KCNIP4: variants seen among roughly 807,000 people sequenced by gnomAD.
KCNIP4 encodes Kv channel-interacting protein 4.
KCNIP4 carries 12 observed loss-of-function variants against 34.0 expected under a neutral mutation model. That is an observed-to-expected ratio of 0.35 (90% CI 0.23 to 0.57). The LOEUF (loss-of-function observed/expected upper bound fraction) is 0.57. Among genes scored for constraint, KCNIP4 ranks in the 20% least tolerant of loss-of-function variants. The pLI, the probability that KCNIP4 is intolerant of heterozygous loss-of-function variation, is 0.83. For synonymous variants in KCNIP4, 124 were observed against 102.2 expected (o/e 1.21, Z -1.29); for missense variants, 238 against 311.7 (o/e 0.76, Z 1.78).
intron 1 of KCNIP4, among the ~76,000 whole-genome samples, chr4:21,282,900 T>C (rs989283605): frequency 3.3e-5 from 5 of 152,168 alleles, no homozygotes; most frequent in Admixed American, 2.6e-4. Flanking sequence ...ACCCAAATAC[T>C]TGCACACAAA....
chr4:21,892,126 A>C (rs1034145426), intron 1 of KCNIP4, among the ~76,000 whole-genome samples: 9 of 152,132 alleles, frequency 5.9e-5, no homozygotes, highest in Non-Finnish European at 8.8e-5. Context: ...ATAGCTAAAA[A>C]ACTGAAACTG....
At position 21,058,598 on chromosome 4, in the gene KCNIP4, G is replaced by A. The variant is rs6826348; in HGVS notation, c.62-175889C>T. Among the ~76,000 whole-genome samples the A allele has an allele frequency of 4.9e-3, 739 of 152,272 alleles. 4 individuals are homozygous for A. Among genetic ancestry groups the A allele is most frequent in the African/African-American group, 0.016 (671 of 41,556 alleles). ...TATTAAATGATATAATGCAGAGGAA[G>A]AGGACTGAGTCAATGTCTGGCATTT... is the stretch of plus-strand genomic sequence containing the variant. On this transcript the variant is annotated intron_variant, in intron 1 of 8. Coordinates refer to ENST00000382152, the MANE Select transcript of KCNIP4 (RefSeq NM_025221.6).
intron 1 of KCNIP4, among the ~76,000 whole-genome samples, chr4:21,121,233 C>T (rs1750131383): frequency 1.3e-5 from 2 of 152,188 alleles, no homozygotes; most frequent in Non-Finnish European, 1.5e-5. Flanking sequence ...CCACTGCTGT[C>T]CGGCCCCCTT....
intron 1 of KCNIP4, among the ~76,000 whole-genome samples, chr4:21,429,725 C>T (rs1276544972): frequency 6.6e-6 from 1 of 152,090 alleles, no homozygotes; most frequent in Non-Finnish European, 1.5e-5. Flanking sequence ...TTCTGAATAA[C>T]TTTTTTATTC....
chr4:21,364,677 G>A lies in KCNIP4; in HGVS notation c.62-481968C>T, dbSNP rs191508656. Among the ~76,000 whole-genome samples, 654 of 151,872 alleles carry A rather than the reference G, an allele frequency of 4.3e-3. 5 individuals carry two copies. The highest frequency in any genetic ancestry group is 7.5e-3 in the South Asian group (36 of 4,798). On this transcript the variant is annotated intron_variant, in intron 1 of 8. Coordinates refer to ENST00000382152, the MANE Select transcript of KCNIP4 (RefSeq NM_025221.6). ...AATGCACCTATATTATGGAACAGTA[G>A]ATATCAGAAAAAGCTAAAGGAAATT... is the stretch of plus-strand genomic sequence containing the variant.
intron 1 of KCNIP4, among the ~76,000 whole-genome samples, chr4:21,697,054 C>G (rs1044647293): frequency 6.6e-6 from 1 of 151,698 alleles, no homozygotes; most frequent in African/African-American, 2.4e-5. Context: ...CTTGCACAAT[C>G]ATGTATTTAA....
chr4:20,828,545 T>C (rs1334648996), intron 3 of KCNIP4, among the ~76,000 whole-genome samples: 3 of 152,224 alleles, frequency 2.0e-5, no homozygotes, highest in African/African-American at 4.8e-5. Context: ...GATACTCAGA[T>C]ACAATAGTGA....
intron 1 of KCNIP4, among the ~76,000 whole-genome samples, chr4:21,195,137 G>T (rs1176184811): frequency 6.6e-6 from 1 of 152,052 alleles, no homozygotes; most frequent in African/African-American, 2.4e-5. Context: ...CTTCATTGCC[G>T]CAAATGTTCT....
intron 1 of KCNIP4, among the ~76,000 whole-genome samples, chr4:21,728,956 GC>G (rs1181389745): frequency 6.6e-6 from 1 of 152,032 alleles, no homozygotes; most frequent in Non-Finnish European, 1.5e-5. Flanking sequence ...CCAATATGAT[GC>G]CACATATATA....
chr4:21,392,796 G>A (rs548066854), intron 1 of KCNIP4, among the ~76,000 whole-genome samples: 2 of 152,236 alleles, frequency 1.3e-5, no homozygotes, highest in African/African-American at 4.8e-5. Flanking sequence ...GAGATGGATG[G>A]CTTTAAATGA....
intron 1 of KCNIP4, among the ~76,000 whole-genome samples, chr4:21,223,261 A>C (rs1758113182): frequency 6.6e-6 from 1 of 152,208 alleles, no homozygotes; most frequent in Non-Finnish European, 1.5e-5. Flanking sequence ...CTTTGAAGAT[A>C]GAGGATAAGG....
chr4:21,733,597 AT>A (rs1347478798), intron 1 of KCNIP4, among the ~76,000 whole-genome samples: 1 of 152,118 alleles, frequency 6.6e-6, no homozygotes, highest in Non-Finnish European at 1.5e-5. Flanking sequence ...CAAGTCAATA[AT>A]TTTCTCTTTT....
At chr4:21,262,115 C>T (rs1000032027) in intron 1 of KCNIP4, among the ~76,000 whole-genome samples, 47 of 152,158 alleles carry the variant, frequency 3.1e-4, no homozygotes, top group Non-Finnish European at 2.9e-5. Flanking sequence ...TCTTTCCTAT[C>T]GCAATGACTT....
intron 1 of KCNIP4, among the ~76,000 whole-genome samples, chr4:21,343,977 T>C (rs897836735): frequency 2.0e-5 from 3 of 152,136 alleles, no homozygotes; most frequent in African/African-American, 4.8e-5. Flanking sequence ...ATAAACATAA[T>C]TCAAGTCTCT....
chr4:21,934,591 T>A (rs1320706661), intron 1 of KCNIP4, among the ~76,000 whole-genome samples: 2 of 152,104 alleles, frequency 1.3e-5, no homozygotes, highest in African/African-American at 4.8e-5. Context: ...TTTAACTGCA[T>A]GCACCACCAA....
At chr4:21,787,616 A>T (rs1271358514) in intron 1 of KCNIP4, among the ~76,000 whole-genome samples, 2 of 152,226 alleles carry the variant, frequency 1.3e-5, no homozygotes, top group African/African-American at 4.8e-5. Flanking sequence ...CACATGGCAG[A>T]GCCAAGATTT....
intron 1 of KCNIP4, among the ~76,000 whole-genome samples, chr4:20,969,646 A>G (rs927662111): frequency 6.6e-6 from 1 of 152,136 alleles, no homozygotes; most frequent in Admixed American, 6.6e-5. Context: ...CTAAGAACAT[A>G]ATTCTAAATA....
In KCNIP4 at chr4:21,333,965, G is replaced by C. The variant is rs147609906; in HGVS notation, c.62-451256C>G. Among the ~76,000 whole-genome samples the C allele has an allele frequency of 4.0e-3, 604 of 152,218 alleles. 5 individuals are homozygous for C. Among genetic ancestry groups the C allele is most frequent in the African/African-American group, 0.014 (564 of 41,562 alleles). ...AGTAATAGATTACAGGAAGTAATAA[G>C]CATGTTATTTTCCTAAGTGTGCTAA... is the stretch of plus-strand genomic sequence containing the variant. On this transcript the variant is annotated intron_variant, in intron 1 of 8. Transcript: ENST00000382152.
chr4:21,697,695 T>C lies in KCNIP4; in HGVS notation c.61+250876A>G, dbSNP rs143275025. Reference sequence around the variant, plus strand: ...TCAGTGTGGTGACCAAGTTCTTCTGTGGCAACAGACAGGCTGCCGGTTCAC... The same window carrying C: ...TCAGTGTGGTGACCAAGTTCTTCTGCGGCAACAGACAGGCTGCCGGTTCAC... On this transcript the variant is annotated intron_variant, in intron 1 of 8. Transcript: ENST00000382152. 1,518 of 1,245,146 alleles carry C rather than the reference T, an allele frequency of 1.2e-3. 9 individuals carry two copies. The African/African-American group carries it at 0.021, about 17-fold the overall frequency. The allele number at this position is 1,245,146 out of a possible 1,614,324, so 77.1% of individuals were successfully genotyped here. A position where few individuals can be genotyped will look rare whatever the true frequency, so the allele number is the denominator to read the frequency against.
Sources: gnomAD v4.1 joint callset for allele counts (sites outside exome capture counted in the v4.1 genomes callset) on GRCh38, gnomAD v4.1.1 for gene constraint, MANE v1.5 for transcripts, NCBI Gene and HGNC (gene_info 2026-07-23, HGNC 2026-07-21) for gene names.